Variants in LY6S observed in about 807,000 individuals in gnomAD.
LY6S encodes lymphocyte antigen 6 family member S.
chr8:143,068,670 G>A, the LY6S span, among the ~76,000 whole-genome samples: 1 of 152,134 alleles, frequency 6.6e-6, no homozygotes, highest in South Asian at 2.1e-4. Flanking sequence ...TCTTGTCTCA[G>A]TTCCCTTGGA....
chr8:143,042,101 CTCCAGGCTGAGACGACCGTCCACCCAGGG>C, the LY6S span: 1 of 138,430 alleles, frequency 7.2e-6, no homozygotes, highest in Admixed American at 7.1e-5. Context: ...CCAGCCCTGA[CTCCAGGCTGAGACGACCGTCCACCCAGGG>C]CGTTCTCAGC....
the LY6S span, among the ~76,000 whole-genome samples, chr8:143,068,689 A>G: frequency 2.6e-5 from 4 of 152,344 alleles, no homozygotes; most frequent in African/African-American, 7.2e-5. Flanking sequence ...GAGAACAGTA[A>G]TTATATATTT....
At chr8:143,072,541 G>A in the LY6S span, among the ~76,000 whole-genome samples, 615 of 100,444 alleles carry the variant, frequency 6.1e-3, 12 homozygotes, top group Middle Eastern at 0.044. Context: ...GGAGACAGCC[G>A]TCGTCCTCGT....
At chr8:143,071,963 C>G in the LY6S span, among the ~76,000 whole-genome samples, 2 of 152,182 alleles carry the variant, frequency 1.3e-5, no homozygotes, top group Non-Finnish European at 2.9e-5. Context: ...GTCAACACAC[C>G]ATCTAACACA....
At chr8:143,048,470 CTT>C in the LY6S span, among the ~76,000 whole-genome samples, 5 of 124,502 alleles carry the variant, frequency 4.0e-5, no homozygotes, top group South Asian at 2.6e-4. Context: ...ACAAAATTTT[CTT>C]TTTTTTTTTT....
At chr8:143,047,270 G>A in the LY6S span, among the ~76,000 whole-genome samples, 6 of 151,708 alleles carry the variant, frequency 4.0e-5, no homozygotes, top group African/African-American at 1.5e-4. Flanking sequence ...CTCCGGAGTA[G>A]CTGGGATTAC....
At chr8:143,068,059 T>C in the LY6S span, among the ~76,000 whole-genome samples, 1 of 152,172 alleles carries the variant, frequency 6.6e-6, no homozygotes, top group Admixed American at 6.5e-5. Flanking sequence ...CTGGGGGATG[T>C]AAGGTCTTTC....
the LY6S span, chr8:143,042,979 G>A: frequency 2.2e-6 from 3 of 1,364,012 alleles, no homozygotes; most frequent in Admixed American, 1.9e-5. Flanking sequence ...CCTCTGCCCT[G>A]GCCACATCCT....
chr8:143,049,419 C>T, the LY6S span: 6 of 397,746 alleles, frequency 1.5e-5, no homozygotes, highest in Admixed American at 1.4e-4. Flanking sequence ...GCAGCTCCGT[C>T]TTTCCAGAGG....
At chr8:143,043,352 G>A in the LY6S span, 2 of 899,326 alleles carry the variant, frequency 2.2e-6, no homozygotes, top group South Asian at 1.6e-5. Context: ...CGAGAGAGCG[G>A]GGTGGGGGAT....
At chr8:143,070,566 G>A in the LY6S span, among the ~76,000 whole-genome samples, 1 of 144,062 alleles carries the variant, frequency 6.9e-6, no homozygotes, top group African/African-American at 2.6e-5. Context: ...AGCTCACTGC[G>A]ACCTCTGCCT....
At chr8:143,069,393 G>A in the LY6S span, among the ~76,000 whole-genome samples, 1 of 152,042 alleles carries the variant, frequency 6.6e-6, no homozygotes, top group East Asian at 1.9e-4. Context: ...CTTTCTCACC[G>A]TAAATACTCT....
chr8:143,043,726 A>G, the LY6S span, among the ~76,000 whole-genome samples: 1 of 151,080 alleles, frequency 6.6e-6, no homozygotes, highest in African/African-American at 2.4e-5. Context: ...CCCAGGCTGG[A>G]GTGCAATGGG....
the LY6S span, among the ~76,000 whole-genome samples, chr8:143,060,445 A>G: frequency 6.6e-6 from 1 of 152,258 alleles, no homozygotes; most frequent in Non-Finnish European, 1.5e-5. Flanking sequence ...TAGTGAAAGT[A>G]TTAACGTCTT....
chr8:143,060,410 G>A, the LY6S span, among the ~76,000 whole-genome samples: 8,125 of 152,312 alleles, frequency 0.053, 712 homozygotes, highest in African/African-American at 0.19. Context: ...ACCTGGCTCC[G>A]CCTTCTAGAT....
At chr8:143,046,524 G>A in the LY6S span, among the ~76,000 whole-genome samples, 1 of 149,318 alleles carries the variant, frequency 6.7e-6, no homozygotes, top group African/African-American at 2.5e-5. Context: ...CTTGCAGTGA[G>A]ATGAGATTGC....
the LY6S span, among the ~76,000 whole-genome samples, chr8:143,059,422 C>CAAA: frequency 1.3e-5 from 2 of 151,776 alleles, no homozygotes; most frequent in South Asian, 4.2e-4. Context: ...GACAAATATT[C>CAAA]CATTGATCCA....
the LY6S span, among the ~76,000 whole-genome samples, chr8:143,051,401 C>T: frequency 4.6e-5 from 7 of 151,818 alleles, no homozygotes; most frequent in South Asian, 2.1e-4. Context: ...ATTAGCTGGC[C>T]GTGATGGCAT....
chr8:143,073,378 TGAGAAGA>T, the LY6S span, among the ~76,000 whole-genome samples: 2 of 144,698 alleles, frequency 1.4e-5, 1 homozygote, highest in African/African-American at 5.1e-5. Flanking sequence ...GGCTCCTGTT[TGAGAAGA>T]CAGCCATCAT....
Sources: allele counts gnomAD v4.1 joint callset (sites outside exome capture counted in the v4.1 genomes callset), GRCh38; gene constraint gnomAD v4.1.1; transcripts MANE v1.5; gene names NCBI Gene and HGNC (gene_info 2026-07-23, HGNC 2026-07-21).